Variants in MAF observed in about 807,000 individuals in gnomAD.
MAF encodes MAF bZIP transcription factor.
Under a neutral mutation model 22.0 loss-of-function variants are expected in MAF, and 10 were observed. The observed-to-expected ratio is 0.45, with a 90% CI of 0.28 to 0.77. The LOEUF is 0.77. Among genes scored for constraint, MAF ranks in the 30% least tolerant of loss-of-function variants. MAF has a pLI of 0.12. For synonymous variants in MAF, 337 were observed against 255.8 expected, an observed-to-expected ratio of 1.32 and a Z score of -3.03; for missense variants, 544 against 548.4, an observed-to-expected ratio of 0.99 and a Z score of 0.08.
chr16:79,453,696 G>A, the MAF span, among the ~76,000 whole-genome samples: 2 of 152,178 alleles, frequency 1.3e-5, no homozygotes, highest in African/African-American at 4.8e-5. Flanking sequence ...GGTCACAAGT[G>A]AATTAAGTAG....
chr16:79,471,996 T>C, the MAF span, among the ~76,000 whole-genome samples: 1 of 152,162 alleles, frequency 6.6e-6, no homozygotes, highest in African/African-American at 2.4e-5. Context: ...TAGGAAAGAC[T>C]CCACAGCAAT....
the MAF span, among the ~76,000 whole-genome samples, chr16:79,514,728 C>T: frequency 2.6e-5 from 4 of 152,280 alleles, no homozygotes; most frequent in East Asian, 1.9e-4. Context: ...GGGAGGCTGT[C>T]GTAGGCGGCC....
chr16:79,537,211 G>A, the MAF span, among the ~76,000 whole-genome samples: 1 of 152,192 alleles, frequency 6.6e-6, no homozygotes, highest in African/African-American at 2.4e-5. Flanking sequence ...ATAGCACAGA[G>A]TCACACTCGA....
chr16:79,481,012 T>A, the MAF span, among the ~76,000 whole-genome samples: 4 of 152,174 alleles, frequency 2.6e-5, no homozygotes, highest in Non-Finnish European at 5.9e-5. Context: ...TTACTTTTCT[T>A]CATTACCCTT....
the MAF span, among the ~76,000 whole-genome samples, chr16:79,344,235 G>A: frequency 6.6e-6 from 1 of 152,174 alleles, no homozygotes; most frequent in Non-Finnish European, 1.5e-5. Context: ...TACTTTGCAG[G>A]TGAGGAAACT....
chr16:79,499,947 A>T, the MAF span, among the ~76,000 whole-genome samples: 5 of 152,326 alleles, frequency 3.3e-5, no homozygotes, highest in African/African-American at 1.2e-4. Flanking sequence ...AAATGCAGTC[A>T]TATCTATTAT....
At chr16:79,310,224 G>A in the MAF span, among the ~76,000 whole-genome samples, 228 of 152,246 alleles carry the variant, frequency 1.5e-3, no homozygotes, top group African/African-American at 5.3e-3. Flanking sequence ...GCACGGGAGC[G>A]CAAAATGCCC....
the MAF span, among the ~76,000 whole-genome samples, chr16:79,385,673 G>T: frequency 6.6e-6 from 1 of 152,176 alleles, no homozygotes; most frequent in Non-Finnish European, 1.5e-5. Context: ...GGCTGCGGCA[G>T]GTGGATCACT....
the MAF span, among the ~76,000 whole-genome samples, chr16:79,421,644 T>A: frequency 6.6e-6 from 1 of 152,058 alleles, no homozygotes; most frequent in East Asian, 1.9e-4. Flanking sequence ...AGTGATTTTT[T>A]TTTTTTTTTT....
chr16:79,228,178 T>C, the MAF span, among the ~76,000 whole-genome samples: 3 of 152,122 alleles, frequency 2.0e-5, no homozygotes, highest in Non-Finnish European at 4.4e-5. Context: ...GAGGTTGGGA[T>C]TATAGGTATA....
At chr16:79,260,199 G>A in the MAF span, among the ~76,000 whole-genome samples, 1 of 152,168 alleles carries the variant, frequency 6.6e-6, no homozygotes, top group Non-Finnish European at 1.5e-5. Context: ...TGCCCAGGCT[G>A]GAGTGCAGTG....
chr16:79,356,003 G>A, the MAF span, among the ~76,000 whole-genome samples: 8 of 151,962 alleles, frequency 5.3e-5, no homozygotes, highest in South Asian at 4.2e-4. Flanking sequence ...TCTCCTCCCC[G>A]GAGAGCCTCC....
the MAF span, among the ~76,000 whole-genome samples, chr16:79,361,340 C>T: frequency 1.3e-5 from 2 of 152,120 alleles, no homozygotes; most frequent in Non-Finnish European, 2.9e-5. Context: ...TGGAAATCAC[C>T]AATGATTGGG....
chr16:79,321,407 C>T, the MAF span, among the ~76,000 whole-genome samples: 1 of 152,166 alleles, frequency 6.6e-6, no homozygotes, highest in Non-Finnish European at 1.5e-5. Context: ...ATATCACATC[C>T]TGCATTTTAT....
the MAF span, among the ~76,000 whole-genome samples, chr16:79,323,413 T>C: frequency 5.9e-5 from 9 of 152,190 alleles, no homozygotes; most frequent in African/African-American, 2.2e-4. Flanking sequence ...TAAATACATC[T>C]CTGTGTTGTT....
chr16:79,561,833 C>G, the MAF span, among the ~76,000 whole-genome samples: 1 of 152,136 alleles, frequency 6.6e-6, no homozygotes, highest in South Asian at 2.1e-4. Flanking sequence ...GGAATGACCT[C>G]CAAAGCTAGG....
chr16:79,581,545 G>A (rs1431729825), downstream of MAF, among the ~76,000 whole-genome samples: 1 of 152,234 alleles, frequency 6.6e-6, no homozygotes. Flanking sequence ...GCGACCTCAG[G>A]GTCAATTTCT....
At chr16:79,370,062 T>C in the MAF span, among the ~76,000 whole-genome samples, 1 of 152,178 alleles carries the variant, frequency 6.6e-6, no homozygotes, top group Non-Finnish European at 1.5e-5. Context: ...CTCACTCACA[T>C]GACTAGTTAC....
chr16:79,292,340 G>T, the MAF span, among the ~76,000 whole-genome samples: 1 of 152,206 alleles, frequency 6.6e-6, no homozygotes, highest in East Asian at 1.9e-4. Context: ...TGATGTAGCT[G>T]CAAGCCAAGA....
Sources: allele counts gnomAD v4.1 joint callset (sites outside exome capture counted in the v4.1 genomes callset), GRCh38; gene constraint gnomAD v4.1.1; transcripts MANE v1.5; gene names NCBI Gene and HGNC (gene_info 2026-07-23, HGNC 2026-07-21).